The following ZNF75D variants were observed in gnomAD, a reference collection of about 807,000 sequenced individuals.
ZNF75D encodes zinc finger protein 75D, also known as zinc finger protein 75.
ZNF75D carries 33 observed loss-of-function variants against 33.3 expected under a neutral mutation model. The observed-to-expected ratio is 0.99, with a 90% confidence interval of 0.75 to 1.32. The LOEUF is 1.32. ZNF75D is among the 40% of genes most tolerant of loss of function. ZNF75D has a pLI of 0.00. For synonymous variants in ZNF75D, 113 were observed against 130.6 expected, an observed-to-expected ratio of 0.87 and a Z score of 0.92; for missense variants, 338 against 367.5, an observed-to-expected ratio of 0.92 and a Z score of 0.66.
At chrX:135,274,821 G>A (rs1381248356) in intron 1 of ZNF75D, among the ~76,000 whole-genome samples, 1 of 111,861 alleles carries the variant, frequency 8.9e-6, no homozygotes, top group Non-Finnish European at 1.9e-5. Flanking sequence ...CTGTGATATG[G>A]TGAAATATGT....
At chrX:135,330,603 C>T (rs1285092149) in intron 1 of ZNF75D, 5 of 112,276 alleles carry the variant, frequency 4.5e-5, no homozygotes, top group South Asian at 3.7e-4. Flanking sequence ...GATGCTGACA[C>T]GAGCAATGCC....
At chrX:135,319,584 C>A (rs1157928649) in intron 1 of ZNF75D, among the ~76,000 whole-genome samples, 1 of 111,551 alleles carries the variant, frequency 9.0e-6, no homozygotes, top group Non-Finnish European at 1.9e-5. Context: ...TCTTTTTTGG[C>A]CATTACATGA....
intron 1 of ZNF75D, among the ~76,000 whole-genome samples, chrX:135,328,938 T>C (rs1411720583): frequency 1.8e-5 from 2 of 112,551 alleles, no homozygotes; most frequent in Non-Finnish European, 3.8e-5. Flanking sequence ...TGCCTGTCCA[T>C]GTCTCAAATC....
At chrX:135,332,450 C>G (rs1428059391) in intron 1 of ZNF75D, among the ~76,000 whole-genome samples, 3 of 110,501 alleles carry the variant, frequency 2.7e-5, no homozygotes, top group Admixed American at 9.6e-5. Context: ...ATAAAATAGG[C>G]CCAAAGGAGC....
intron 1 of ZNF75D, among the ~76,000 whole-genome samples, chrX:135,261,023 C>G (rs968073491): frequency 3.6e-5 from 4 of 112,253 alleles, no homozygotes. Context: ...TTTCAAAGAA[C>G]ATCTTTATTT....
Position 135,287,039 on chromosome X carries a change from C to T in ZNF75D, c.*98G>A. On this transcript the variant is annotated 3_prime_UTR_variant, in exon 7 of 7. Coordinates refer to ENST00000370766, the MANE Select transcript of ZNF75D (RefSeq NM_007131.5). The stretch of plus-strand genomic sequence containing the variant: ...TTGTGAAGTGTAACATGTACCCTTC[C>T]CAAATGTTTTATTAATCACAGATTC... 1 of 730,688 alleles carries T rather than the reference C, an allele frequency of 1.4e-6. No individual in the cohort carries two copies. The highest frequency in any genetic ancestry group is 2.0e-6 in the Non-Finnish European group (1 of 487,961). The allele number at this position is 730,688 out of a possible 1,213,427, so 60.2% of individuals were successfully genotyped here.
chrX:135,261,624 CT>C (rs1159078818), intron 1 of ZNF75D, among the ~76,000 whole-genome samples: 1 of 111,076 alleles, frequency 9.0e-6, no homozygotes, highest in South Asian at 3.8e-4. Flanking sequence ...GCAACCCCTG[CT>C]TTTTTTTGTT....
At chrX:135,335,442 C>G (rs11798090) in intron 1 of ZNF75D, among the ~76,000 whole-genome samples, 27,871 of 110,143 alleles carry the variant, frequency 0.25, 2,835 homozygotes, top group South Asian at 0.43. Context: ...CCTTCTCACT[C>G]CCCTTCTGCC....
intron 1 of ZNF75D, among the ~76,000 whole-genome samples, chrX:135,266,292 A>G (rs1433138533): frequency 8.9e-6 from 1 of 112,046 alleles, no homozygotes; most frequent in African/African-American, 3.2e-5. Context: ...ATAACAATGA[A>G]TGTAAATTGG....
At chrX:135,274,404 AGG>A (rs1556417344) in intron 1 of ZNF75D, among the ~76,000 whole-genome samples, 1 of 112,169 alleles carries the variant, frequency 8.9e-6, no homozygotes, top group Non-Finnish European at 1.9e-5. Context: ...TTGAGGTGTC[AGG>A]GTTTGGCATA....
chrX:135,305,428 A>G (rs1366548346), intron 1 of ZNF75D, among the ~76,000 whole-genome samples: 1 of 111,913 alleles, frequency 8.9e-6, no homozygotes, highest in Admixed American at 9.5e-5. Context: ...TTGTAGGCTC[A>G]AAGTTATTTT....
At chrX:135,335,697 A>G (rs1556442217) in intron 1 of ZNF75D, among the ~76,000 whole-genome samples, 1 of 112,062 alleles carries the variant, frequency 8.9e-6, no homozygotes, top group Admixed American at 9.4e-5. Context: ...ACATATACTC[A>G]TATATAATTG....
downstream of ZNF75D, among the ~76,000 whole-genome samples, chrX:135,284,435 G>C (rs1226806600): frequency 1.8e-5 from 2 of 111,908 alleles, no homozygotes; most frequent in East Asian, 5.6e-4. Context: ...GTGGCCCTAG[G>C]AGACTGTGTC....
intron 1 of ZNF75D, among the ~76,000 whole-genome samples, chrX:135,318,792 G>A (rs966370800): frequency 9.9e-5 from 11 of 111,622 alleles, no homozygotes; most frequent in South Asian, 3.7e-4. Flanking sequence ...CTGATGTGGC[G>A]TGGTATTTAG....
intron 1 of ZNF75D, among the ~76,000 whole-genome samples, chrX:135,276,045 C>T (rs782810311): frequency 9.0e-6 from 1 of 111,586 alleles, no homozygotes; most frequent in Non-Finnish European, 1.9e-5. Context: ...AAAAATCTGG[C>T]AAGACAGCAA....
In ZNF75D at chrX:135,343,034, G is replaced by A. The variant is rs1307340439; in HGVS notation, c.-1657C>T. The stretch of plus-strand genomic sequence containing the variant: ...ATAGCACACTCTTCACTGCACTGGG[G>A]GGAAATCTGGAGGATGAAGGTTCCA... On this transcript the variant is annotated 5_prime_UTR_variant, in exon 1 of 7. Coordinates refer to ENST00000370766, the MANE Select transcript of ZNF75D (RefSeq NM_007131.5). 1.8e-5 allele frequency: 2 copies of A among 111,712 alleles called. No individual in the cohort carries two copies. The highest frequency in any genetic ancestry group is 6.5e-5 in the African/African-American group (2 of 30,625). 9.2% of individuals were successfully genotyped at this position (111,712 alleles called of 1,213,427 possible).
rs187730078 is a variant in ZNF75D at position 135,319,138 on chromosome X, G to A, written c.-391+22630C>T. Among the ~76,000 whole-genome samples the A allele has an allele frequency of 9.9e-5, 11 of 111,671 alleles. No individual in the cohort carries two copies. In the Admixed American group the frequency reaches 1.0e-3, roughly 11 times the overall value. ...ATTTTTCCTGATAATTTGGAGTTTG[G>A]AACTAGACCCCAAAACTCAGTGTTT... On this transcript the variant is annotated intron_variant, in intron 1 of 6. Transcript: ENST00000370766.
chrX:135,285,006 C>T (rs5930681), downstream of ZNF75D, among the ~76,000 whole-genome samples: 23,480 of 110,719 alleles, frequency 0.21, 2,050 homozygotes, highest in Middle Eastern at 0.36. Context: ...AATGGAGTCC[C>T]CTGCAGGAAT....
chrX:135,343,932 G>C lies in ZNF75D; in HGVS notation c.-2555C>G. The stretch of plus-strand genomic sequence containing the variant: ...ACCAGGACCTCCGGGAGGCACAAAA[G>C]CAGGCAGCTTTCTCCTGTCTGTGTT... On this transcript the variant is annotated 5_prime_UTR_variant, in exon 1 of 7. Transcript: ENST00000370766. The C allele has an allele frequency of 8.9e-6, 1 of 112,074 alleles. No homozygotes were observed. The allele number at this position is 112,074 out of a possible 1,213,427, so 9.2% of individuals were successfully genotyped here. A position where few individuals can be genotyped will look rare whatever the true frequency, so the allele number is the denominator to read the frequency against.
Sources: allele counts gnomAD v4.1 joint callset (sites outside exome capture counted in the v4.1 genomes callset), GRCh38; gene constraint gnomAD v4.1.1; transcripts MANE v1.5; gene names NCBI Gene and HGNC (gene_info 2026-07-23, HGNC 2026-07-21).